The following ATP8A2 variants were observed in gnomAD, a reference collection of about 807,000 sequenced individuals.
ATP8A2 encodes the protein ATPase phospholipid transporting 8A2.
In ATP8A2, 100 loss-of-function variants were observed where a neutral mutation model predicts 165.6. That is an observed-to-expected ratio of 0.60 (90% confidence interval 0.51 to 0.71). ATP8A2 has a LOEUF of 0.71. ATP8A2 is among the 30% of genes least tolerant of loss of function. The pLI, the probability that ATP8A2 is intolerant of heterozygous loss-of-function variation, is 0.00. For synonymous variants in ATP8A2, 543 were observed against 548.8 expected (o/e 0.99, Z 0.15); for missense variants, 1,227 against 1,479.5 (o/e 0.83, Z 2.80).
At chr13:25,978,813 G>C (rs981332930) in intron 35 of ATP8A2, among the ~76,000 whole-genome samples, 1 of 152,124 alleles carries the variant, frequency 6.6e-6, no homozygotes, top group Non-Finnish European at 1.5e-5. Context: ...GGTGGCGGGC[G>C]CCTGTAGTCC....
At chr13:25,864,613 A>T (rs1952453081) in intron 33 of ATP8A2, among the ~76,000 whole-genome samples, 2 of 152,230 alleles carry the variant, frequency 1.3e-5, no homozygotes. Flanking sequence ...ATCATATTCA[A>T]CCACATTGCA....
chr13:25,673,607 C>T (rs1243013676), intron 24 of ATP8A2, among the ~76,000 whole-genome samples: 6 of 152,164 alleles, frequency 3.9e-5, no homozygotes, highest in Admixed American at 6.5e-5. Context: ...TACGCTGACT[C>T]GTTTCTCTAC....
chr13:25,818,033 A>AT (rs1219683494), intron 27 of ATP8A2, among the ~76,000 whole-genome samples: 1 of 152,106 alleles, frequency 6.6e-6, no homozygotes, highest in East Asian at 1.9e-4. Context: ...AATTTGTGTT[A>AT]TTTTTTATTC....
At chr13:25,634,611 G>A (rs1157429274) in intron 24 of ATP8A2, among the ~76,000 whole-genome samples, 1 of 152,054 alleles carries the variant, frequency 6.6e-6, no homozygotes, top group Non-Finnish European at 1.5e-5. Flanking sequence ...TCTTTTAAAT[G>A]GATCTTCACC....
At chr13:25,982,852 A>G (rs1335829734) in intron 35 of ATP8A2, among the ~76,000 whole-genome samples, 1 of 152,218 alleles carries the variant, frequency 6.6e-6, no homozygotes, top group Non-Finnish European at 1.5e-5. Context: ...TTCTTCCATT[A>G]GGCATAGCAG....
intron 35 of ATP8A2, among the ~76,000 whole-genome samples, chr13:25,998,795 C>A (rs1007518077): frequency 6.6e-6 from 1 of 152,158 alleles, no homozygotes; most frequent in Non-Finnish European, 1.5e-5. Context: ...GTGTCTTCAG[C>A]CAGAATGTCC....
At chr13:25,444,204 C>T (rs569739891) in intron 1 of ATP8A2, among the ~76,000 whole-genome samples, 6 of 152,112 alleles carry the variant, frequency 3.9e-5, no homozygotes, top group Admixed American at 3.9e-4. Flanking sequence ...CTTTTTTGGT[C>T]TGACTTCTTT....
chr13:25,718,679 T>C (rs2138019320), intron 25 of ATP8A2, among the ~76,000 whole-genome samples: 1 of 152,110 alleles, frequency 6.6e-6, no homozygotes, highest in East Asian at 1.9e-4. Context: ...TGAGACAGAG[T>C]GTGAATCACA....
chr13:25,850,551 G>A (rs148828872), intron 30 of ATP8A2, among the ~76,000 whole-genome samples: 12 of 150,224 alleles, frequency 8.0e-5, no homozygotes, highest in East Asian at 5.9e-4. Context: ...TTGCACAGAC[G>A]GTAGATAAAT....
intron 1 of ATP8A2, among the ~76,000 whole-genome samples, chr13:25,395,830 T>A (rs2033403149): frequency 6.6e-6 from 1 of 152,042 alleles, no homozygotes; most frequent in Non-Finnish European, 1.5e-5. Flanking sequence ...AGCCACTGTG[T>A]CTGGCTGATC....
chr13:25,760,505 G>A (rs568630815), intron 25 of ATP8A2, among the ~76,000 whole-genome samples: 5 of 152,122 alleles, frequency 3.3e-5, no homozygotes, highest in East Asian at 3.9e-4. Flanking sequence ...AACATCCAAC[G>A]TAAGAGGTGC....
chr13:25,531,444 A>ATTATATATATG (rs2038105708), intron 4 of ATP8A2, among the ~76,000 whole-genome samples: 3 of 45,708 alleles, frequency 6.6e-5, no homozygotes, highest in Non-Finnish European at 1.5e-4. Flanking sequence ...TATATATATG[A>ATTATATATATG]TTATATATAT....
intron 24 of ATP8A2, among the ~76,000 whole-genome samples, chr13:25,675,736 C>T (rs1435011522): frequency 6.6e-6 from 1 of 152,060 alleles, no homozygotes; most frequent in African/African-American, 2.4e-5. Context: ...TGAAAATACT[C>T]TCCTGGGTTG....
intron 24 of ATP8A2, among the ~76,000 whole-genome samples, chr13:25,670,766 T>C (rs76940966): frequency 0.035 from 5,323 of 152,300 alleles, 157 homozygotes; most frequent in East Asian, 0.13. Context: ...GCAGTCCAGC[T>C]ATGTGCTCAT....
Position 25,750,326 on chromosome 13 carries a change from C to T in ATP8A2, c.2385-18720C>T, listed in dbSNP as rs972245634. 6.6e-6 allele frequency among the ~76,000 whole-genome samples: 1 copy of T among 152,174 alleles called. No homozygotes were observed. The highest frequency in any genetic ancestry group is 2.4e-5 in the African/African-American group (1 of 41,448). ...AATAGTACACATCTGTGTGTAGTTA[C>T]CAAAGCCAGGAACACGGGCCCTAAC... On this transcript the variant is annotated intron_variant, in intron 25 of 36. Transcript: ENST00000381655. This position sits in a 1 kb window ranked among gnomAD's most constrained non-coding sequence, Gnocchi z 4.3.
chr13:25,567,617 G>A (rs549197455), intron 16 of ATP8A2, among the ~76,000 whole-genome samples: 1 of 152,210 alleles, frequency 6.6e-6, no homozygotes, highest in African/African-American at 2.4e-5. Flanking sequence ...CAAGCATAAT[G>A]AGGAATTGAT....
At chr13:25,510,366 G>T (rs1318967248) in intron 2 of ATP8A2, among the ~76,000 whole-genome samples, 3 of 152,190 alleles carry the variant, frequency 2.0e-5, no homozygotes, top group African/African-American at 7.2e-5. Context: ...AAGAAAGAAA[G>T]ATGTTCTAGG....
At chr13:26,016,349 C>A (rs1956973549) in intron 36 of ATP8A2, among the ~76,000 whole-genome samples, 1 of 152,198 alleles carries the variant, frequency 6.6e-6, no homozygotes, top group African/African-American at 2.4e-5. Context: ...CTCTGCCTGT[C>A]TCTTCAAAGG....
chr13:25,469,385 T>C (rs1321414527), intron 2 of ATP8A2, among the ~76,000 whole-genome samples: 2 of 152,250 alleles, frequency 1.3e-5, no homozygotes, highest in Non-Finnish European at 1.5e-5. Flanking sequence ...GTTTTCACTC[T>C]AATGTCACCG....
Sources: allele counts gnomAD v4.1 joint callset (sites outside exome capture counted in the v4.1 genomes callset), GRCh38; gene constraint gnomAD v4.1.1; non-coding constraint Gnocchi (gnomAD v3.1); transcripts MANE v1.5; gene names NCBI Gene and HGNC (gene_info 2026-07-23, HGNC 2026-07-21).